Variants in SNX13 observed in about 807,000 individuals in gnomAD.
The protein encoded by SNX13 is sorting nexin 13.
SNX13 carries 45 observed loss-of-function variants against 133.6 expected under a neutral mutation model. That is an observed-to-expected ratio of 0.34 (90% CI 0.27 to 0.43). The LOEUF (loss-of-function observed/expected upper bound fraction) is 0.43. Ranked by LOEUF, SNX13 falls within the 20% of genes least tolerant of loss-of-function variation. The pLI is 1.00. For missense variants in SNX13, 1,032 were observed against 1,145.1 expected, an observed-to-expected ratio of 0.90 and a Z score of 1.43; for synonymous variants, 414 against 373.9, an observed-to-expected ratio of 1.11 and a Z score of -1.24.
intron 17 of SNX13, among the ~76,000 whole-genome samples, chr7:17,824,195 C>A (rs1267417980): frequency 6.6e-6 from 1 of 152,016 alleles, no homozygotes; most frequent in Non-Finnish European, 1.5e-5. Flanking sequence ...AAAAATAGCA[C>A]TAGAATGTAA....
At chr7:17,851,605 G>A (rs558589266) in intron 9 of SNX13, among the ~76,000 whole-genome samples, 3 of 151,016 alleles carry the variant, frequency 2.0e-5, no homozygotes, top group Admixed American at 6.6e-5. Flanking sequence ...AGACATGGCC[G>A]TGAAATAAAG....
At position 17,873,537 on chromosome 7, in the gene SNX13, G is replaced by T. The variant is rs1428035426; in HGVS notation, c.744C>A (p.Tyr248Ter). 6.3e-7 allele frequency: 1 copy of T among 1,577,876 alleles called. No homozygotes were observed. Among genetic ancestry groups the T allele is most frequent in the Non-Finnish European group, 8.6e-7 (1 of 1,162,906 alleles). ...PGDFQNKIMR[Y>*]FVREILARGI... ...ATGAGTTTAAGCTTACCCTGACAAA[G>T]TATCGCATGATCTTGTTCTGGAAAT... is the stretch of plus-strand genomic sequence containing the variant. The change falls in exon 8 of 26, where the codon TAC (tyrosine) becomes TAA (stop). Residue 248 changes from tyrosine to a stop codon, truncating the protein, a stop_gained. Coordinates refer to ENST00000428135, the MANE Select transcript of SNX13 (RefSeq NM_015132.5). LOFTEE classifies it high-confidence loss of function.
At chr7:17,844,968 T>TTTAAGATCAGGAACAAGACAAAGA (rs1250093650) in intron 12 of SNX13, among the ~76,000 whole-genome samples, 1 of 152,090 alleles carries the variant, frequency 6.6e-6, no homozygotes, top group Admixed American at 6.6e-5. Flanking sequence ...AATACTTTTC[T>TTTAAGATCAGGAACAAGACAAAGA]TTAAGATCAG....
At chr7:17,839,389 C>A (rs1189213942) in intron 13 of SNX13, among the ~76,000 whole-genome samples, 1 of 151,546 alleles carries the variant, frequency 6.6e-6, no homozygotes, top group Non-Finnish European at 1.5e-5. Flanking sequence ...GTCTCTCTTA[C>A]CCTTCAATTG....
chr7:17,912,998 C>T (rs2691570), intron 1 of SNX13, among the ~76,000 whole-genome samples: 66,740 of 151,662 alleles, frequency 0.44, 15,042 homozygotes, highest in South Asian at 0.66. Flanking sequence ...GCTCTGCAAC[C>T]TAAAACTGGT....
intron 3 of SNX13, among the ~76,000 whole-genome samples, chr7:17,892,528 G>A: frequency 6.6e-6 from 1 of 151,402 alleles, no homozygotes. Flanking sequence ...ATATTAATAT[G>A]AGTCCTAAAG....
chr7:17,872,306 G>A (rs370850450), intron 8 of SNX13, among the ~76,000 whole-genome samples: 5 of 152,072 alleles, frequency 3.3e-5, no homozygotes, highest in African/African-American at 9.7e-5. Flanking sequence ...AAAGAAAGGA[G>A]AAAATAGAGT....
chr7:17,890,236 C>A (rs1161078701), intron 5 of SNX13, 127 bp downstream of exon 5: 14 of 803,572 alleles, frequency 1.7e-5, no homozygotes, highest in Non-Finnish European at 2.5e-5. Flanking sequence ...TGGAGTTATC[C>A]CACAGTAATA....
At position 17,897,445 on chromosome 7, in the gene SNX13, G is replaced by C; in HGVS notation, c.14C>G (p.Ala5Gly). Residue 5 changes from alanine (A) to glycine (G), a missense_variant and splice_region_variant, in exon 2 of 26, where the codon GCC becomes GGC. Physicochemically the swap from Ala to Gly is moderately conservative, Grantham distance 60. Transcript: ENST00000428135. Reference sequence around the variant, plus strand: ...TCCCCATCCCCATATGGATAGACTGGCCTGAAATACAGAAAAAATATAAGT... The same window carrying C: ...TCCCCATCCCCATATGGATAGACTGCCCTGAAATACAGAAAAAATATAAGT... Reference protein sequence around the residue: MLTEASLSIWGWGSL... With the variant: MLTEGSLSIWGWGSL... 1 of 1,539,152 alleles carries C rather than the reference G, an allele frequency of 6.5e-7. No individual in the cohort carries two copies. Among genetic ancestry groups the C allele is most frequent in the Non-Finnish European group, 8.8e-7 (1 of 1,135,034 alleles).
intron 1 of SNX13, among the ~76,000 whole-genome samples, chr7:17,904,937 C>A (rs1244126771): frequency 6.6e-6 from 1 of 151,968 alleles, no homozygotes; most frequent in Non-Finnish European, 1.5e-5. Flanking sequence ...GCCAAGTACA[C>A]AGAAGCTGCT....
chr7:17,800,916 T>G (rs1224206719), intron 22 of SNX13, among the ~76,000 whole-genome samples: 1 of 150,488 alleles, frequency 6.6e-6, no homozygotes, highest in African/African-American at 2.4e-5. Flanking sequence ...ACTGGCAGGA[T>G]GTAGAACACT....
chr7:17,857,320 C>T (rs961530556), intron 9 of SNX13, among the ~76,000 whole-genome samples: 3 of 152,108 alleles, frequency 2.0e-5, no homozygotes, highest in Non-Finnish European at 2.9e-5. Context: ...TTTAAAGGAA[C>T]TAATATTGAT....
At chr7:17,899,266 T>C (rs190874426) in intron 1 of SNX13, 3 of 152,310 alleles carry the variant, frequency 2.0e-5, no homozygotes, top group East Asian at 3.9e-4. Context: ...CTTTGAGAGT[T>C]TGATTATTAA....
In SNX13 at chr7:17,927,467, T is replaced by C. The variant is rs560969455; in HGVS notation, c.12+12817A>G. 2.0e-5 allele frequency among the ~76,000 whole-genome samples: 3 copies of C among 152,120 alleles called. No homozygotes were observed. The East Asian group carries it at 5.8e-4, about 29-fold the overall frequency. On this transcript the variant is annotated intron_variant, in intron 1 of 25. Coordinates refer to ENST00000428135, the MANE Select transcript of SNX13 (RefSeq NM_015132.5). ...TACACTGCCCAGGCTGGTCTAGAACTCATGGGCTCAAGCAATCCTTTCACC... is the reference window on the plus strand; with the variant it reads ...TACACTGCCCAGGCTGGTCTAGAACCCATGGGCTCAAGCAATCCTTTCACC...
chr7:17,848,167 T>A (rs1790773843), intron 11 of SNX13, among the ~76,000 whole-genome samples: 1 of 151,942 alleles, frequency 6.6e-6, no homozygotes, highest in Non-Finnish European at 1.5e-5. Context: ...GAGAAGCGGC[T>A]CAACTTCAGA....
chr7:17,906,472 T>G (rs1018059479), intron 1 of SNX13, among the ~76,000 whole-genome samples: 3 of 152,094 alleles, frequency 2.0e-5, no homozygotes, highest in Non-Finnish European at 4.4e-5. Flanking sequence ...GATCAAAATT[T>G]TAGTTGATAT....
Position 17,860,508 on chromosome 7 carries a change from A to C in SNX13, c.837+7899T>G, listed in dbSNP as rs569573124. ...TACACTCCCACTCTCTATTGCTGTT[A>C]TTTTTGTCTGAGTTTTTGGTATCAT... is the stretch of plus-strand genomic sequence containing the variant. On this transcript the variant is annotated intron_variant, in intron 9 of 25. Transcript: ENST00000428135. 4.3e-4 allele frequency among the ~76,000 whole-genome samples: 65 copies of C among 152,094 alleles called. No homozygotes were observed. In the South Asian group the frequency reaches 0.011, roughly 25 times the overall value.
chr7:17,892,264 A>C (rs1796705205), intron 3 of SNX13, among the ~76,000 whole-genome samples: 1 of 152,050 alleles, frequency 6.6e-6, no homozygotes, highest in African/African-American at 2.4e-5. Flanking sequence ...ATATTTTTTC[A>C]TAAGACATAC....
chr7:17,906,395 T>C (rs1032802200), intron 1 of SNX13, among the ~76,000 whole-genome samples: 10 of 152,122 alleles, frequency 6.6e-5, no homozygotes, highest in Non-Finnish European at 1.2e-4. Context: ...AACTCTGGTA[T>C]AGAAAACCTT....
Sources: gnomAD v4.1 joint callset for allele counts (sites outside exome capture counted in the v4.1 genomes callset) on GRCh38, gnomAD v4.1.1 for gene constraint, MANE v1.5 for transcripts, NCBI Gene and HGNC (gene_info 2026-07-23, HGNC 2026-07-21) for gene names.